SMYD3: variants seen among roughly 807,000 people sequenced by gnomAD.
SMYD3 encodes histone-lysine N-methyltransferase SMYD3.
In SMYD3, 36 loss-of-function variants were observed where a neutral mutation model predicts 57.7. The observed-to-expected ratio is 0.62, with a 90% CI of 0.48 to 0.82. The LOEUF (loss-of-function observed/expected upper bound fraction) is 0.82, where lower values mean the gene tolerates loss of function less well. Among genes scored for constraint, SMYD3 ranks in the 40% least tolerant of loss-of-function variants. The probability of loss-of-function intolerance (pLI) is 0.00; values close to 1 mark genes in which losing one functional copy is unlikely to be tolerated. For missense variants in SMYD3, 515 were observed against 538.8 expected, an observed-to-expected ratio of 0.96 and a Z score of 0.44; for synonymous variants, 211 against 195.0, an observed-to-expected ratio of 1.08 and a Z score of -0.68.
chr1:246,407,088 G>A (rs905835911), intron 1 of SMYD3, among the ~76,000 whole-genome samples: 1 of 152,148 alleles, frequency 6.6e-6, no homozygotes, highest in Non-Finnish European at 1.5e-5. Flanking sequence ...AGGATAGTTT[G>A]GTTTTCACAA....
chr1:246,138,806 T>C (rs545281172), intron 5 of SMYD3, among the ~76,000 whole-genome samples: 1 of 152,220 alleles, frequency 6.6e-6, no homozygotes, highest in South Asian at 2.1e-4. Context: ...ACAAATCATG[T>C]GGAAAATATT....
intron 5 of SMYD3, among the ~76,000 whole-genome samples, chr1:245,949,899 T>C (rs941484750): frequency 6.5e-5 from 9 of 138,198 alleles, no homozygotes; most frequent in Non-Finnish European, 1.2e-4. Context: ...AACACCACTA[T>C]AGACCTATCT....
chr1:246,457,220 G>C (rs1394322993), intron 1 of SMYD3, among the ~76,000 whole-genome samples: 4 of 152,042 alleles, frequency 2.6e-5, no homozygotes, highest in African/African-American at 9.7e-5. Flanking sequence ...GGTAAGAATA[G>C]AGAAAAAATA....
rs538062335 is a variant in SMYD3 at position 246,167,437 on chromosome 1, C to T, written c.531+159764G>A. ...TTACTATTTTCCATTTTACTGATCA[C>T]GGCCATCCTACTACATTTCATTCTA... On this transcript the variant is annotated intron_variant, in intron 5 of 11. Transcript: ENST00000490107. Among the ~76,000 whole-genome samples the T allele has an allele frequency of 1.2e-4, 18 of 152,016 alleles. No homozygotes were observed. In the South Asian group the frequency reaches 1.2e-3, roughly 11 times the overall value.
chr1:246,453,547 T>G (rs1387471893), intron 1 of SMYD3, among the ~76,000 whole-genome samples: 1 of 152,160 alleles, frequency 6.6e-6, no homozygotes, highest in Non-Finnish European at 1.5e-5. Context: ...CCTATTTGAA[T>G]AAAAAATTAC....
chr1:246,167,391 G>A (rs2062234809), intron 5 of SMYD3, among the ~76,000 whole-genome samples: 1 of 151,988 alleles, frequency 6.6e-6, no homozygotes, highest in Admixed American at 6.6e-5. Context: ...CAATGTACAG[G>A]GTTCCAGTTT....
At position 246,097,376 on chromosome 1, in the gene SMYD3, G is replaced by A. The variant is rs539265680; in HGVS notation, c.532-167439C>T. On this transcript the variant is annotated intron_variant, in intron 5 of 11. Transcript: ENST00000490107. Reference sequence around the variant, plus strand: ...CAAAGTCAGAAGTATGTGGCAAGCAGCAGGATGCCGAGATGGTTCCAGCTC... The same window carrying A: ...CAAAGTCAGAAGTATGTGGCAAGCAACAGGATGCCGAGATGGTTCCAGCTC... 1.2e-3 allele frequency among the ~76,000 whole-genome samples: 178 copies of A among 152,258 alleles called. 1 individual carries two copies. Among genetic ancestry groups the A allele is most frequent in the Non-Finnish European group, 2.0e-3 (139 of 68,030 alleles).
At chr1:246,346,708 C>T (rs2065724715) in intron 2 of SMYD3, among the ~76,000 whole-genome samples, 1 of 152,160 alleles carries the variant, frequency 6.6e-6, no homozygotes, top group African/African-American at 2.4e-5. Context: ...CCACCTGGTC[C>T]TGGTCCCTAC....
At chr1:246,201,150 C>T (rs532511835) in intron 5 of SMYD3, among the ~76,000 whole-genome samples, 99 of 152,314 alleles carry the variant, frequency 6.5e-4, no homozygotes, top group African/African-American at 2.3e-3. Context: ...ACAATTCTTA[C>T]AGACAAATTA....
At chr1:246,476,020 A>G (rs1284483459) in intron 1 of SMYD3, among the ~76,000 whole-genome samples, 1 of 152,244 alleles carries the variant, frequency 6.6e-6, no homozygotes, top group African/African-American at 2.4e-5. Flanking sequence ...ATATAGAAAT[A>G]CAGTTCAGAA....
At chr1:246,492,143 T>G (rs1445862510) in intron 1 of SMYD3, among the ~76,000 whole-genome samples, 1 of 152,234 alleles carries the variant, frequency 6.6e-6, no homozygotes, top group African/African-American at 2.4e-5. Context: ...ATTATAAATC[T>G]AATCTATAAT....
At chr1:246,392,979 G>C (rs2066597102) in intron 1 of SMYD3, among the ~76,000 whole-genome samples, 1 of 152,076 alleles carries the variant, frequency 6.6e-6, no homozygotes, top group African/African-American at 2.4e-5. Context: ...TTAAAAAACA[G>C]AGAATACAGG....
At chr1:246,262,077 A>T (rs944843991) in intron 5 of SMYD3, among the ~76,000 whole-genome samples, 1 of 152,206 alleles carries the variant, frequency 6.6e-6, no homozygotes, top group Non-Finnish European at 1.5e-5. Context: ...AACTAATTTT[A>T]AAAAGTATTT....
intron 5 of SMYD3, among the ~76,000 whole-genome samples, chr1:246,262,296 G>A (rs2064026789): frequency 6.6e-6 from 1 of 152,138 alleles, no homozygotes; most frequent in African/African-American, 2.4e-5. Flanking sequence ...TAACGATATG[G>A]TGGATAAGAA....
intron 5 of SMYD3, among the ~76,000 whole-genome samples, chr1:246,037,999 A>G (rs1187477602): frequency 6.6e-6 from 1 of 152,228 alleles, no homozygotes; most frequent in Non-Finnish European, 1.5e-5. Flanking sequence ...AAGCAGCCAC[A>G]AACAATATGC....
chr1:245,863,951 C>T lies in SMYD3; in HGVS notation c.814-65G>A, dbSNP rs111662134. 45 of 1,444,626 alleles carry T rather than the reference C, an allele frequency of 3.1e-5. 1 individual carries two copies. In the African/African-American group the frequency reaches 3.8e-4, roughly 12 times the overall value. 89.5% of individuals were successfully genotyped at this position (1,444,626 alleles called of 1,614,324 possible). A position where few individuals can be genotyped will look rare whatever the true frequency, so the allele number is the denominator to read the frequency against. ...TAATAGGCAAAGGACGTGAATAGAC[C>T]TTTCTCCCAGATATACAAATGGCCT... On this transcript the variant is annotated intron_variant, in intron 8 of 11. Coordinates refer to ENST00000490107, the MANE Select transcript of SMYD3 (RefSeq NM_001167740.2).
intron 5 of SMYD3, among the ~76,000 whole-genome samples, chr1:246,149,974 A>G (rs998148702): frequency 2.0e-5 from 3 of 152,252 alleles, no homozygotes; most frequent in Non-Finnish European, 4.4e-5. Context: ...ATTAACTTCT[A>G]TATGTACAAG....
rs1558439861 is a variant in SMYD3 at position 246,390,774 on chromosome 1, CAG to C, written c.165-35682_165-35681del. ...TATTTCACTTTAGCACACATAAATT[CAG>C]ACTAGCCACATTTCAAGTGCACAAC... On this transcript the variant is annotated intron_variant, in intron 1 of 11. Transcript: ENST00000490107. Among the ~76,000 whole-genome samples, 10 of 152,154 alleles carry C rather than the reference CAG, an allele frequency of 6.6e-5. 1 individual carries two copies. In the East Asian group the frequency reaches 1.4e-3, roughly 21 times the overall value.
At chr1:245,981,344 C>T (rs2058592771) in intron 5 of SMYD3, among the ~76,000 whole-genome samples, 2 of 152,186 alleles carry the variant, frequency 1.3e-5, no homozygotes, top group African/African-American at 4.8e-5. Flanking sequence ...TAACTAGCTA[C>T]CTGAGAGCCC....
Sources: allele counts gnomAD v4.1 joint callset (sites outside exome capture counted in the v4.1 genomes callset), GRCh38; gene constraint gnomAD v4.1.1; transcripts MANE v1.5; gene names NCBI Gene and HGNC (gene_info 2026-07-23, HGNC 2026-07-21).